ATAD2: variants seen among roughly 807,000 people sequenced by gnomAD.
The protein encoded by ATAD2 is ATPase family AAA domain-containing protein 2.
ATAD2 carries 62 observed loss-of-function variants against 168.9 expected under a neutral mutation model. That is an observed-to-expected ratio of 0.37 (90% CI 0.30 to 0.45). ATAD2 has a LOEUF of 0.45. Among genes scored for constraint, ATAD2 ranks in the 20% least tolerant of loss-of-function variants. The probability of loss-of-function intolerance (pLI) is 1.00; values close to 1 mark genes in which losing one functional copy is unlikely to be tolerated. For synonymous variants in ATAD2, 613 were observed against 571.6 expected (o/e 1.07, Z -1.03); for missense variants, 1,419 against 1,667.8 (o/e 0.85, Z 2.60).
intron 19 of ATAD2, among the ~76,000 whole-genome samples, chr8:123,343,916 G>C (rs1044541829): frequency 6.6e-6 from 1 of 152,224 alleles, no homozygotes; most frequent in African/African-American, 2.4e-5. Flanking sequence ...AGGCAAGTAT[G>C]TAAGAGAAGA....
At position 123,347,102 on chromosome 8, in the gene ATAD2, T is replaced by C. The variant is rs749155060; in HGVS notation, c.2202A>G (p.Thr734=). 1.9e-6 allele frequency: 3 copies of C among 1,608,278 alleles called. No individual in the cohort carries two copies. Among genetic ancestry groups the C allele is most frequent in the East Asian group, 4.5e-5 (2 of 44,812 alleles). Residue 734 remains threonine, a synonymous_variant, in exon 16 of 28, where the codon ACA becomes ACG. Coordinates refer to ENST00000287394, the MANE Select transcript of ATAD2 (RefSeq NM_014109.4). ...AATCAAGTTTTATACCTGAGTCTAA[T>C]GTTTTATTTGTTCTGAATTCTGCAT... is the stretch of plus-strand genomic sequence containing the variant. ...FPHAEFRTNK[T]LDSDISCPLL...
At chr8:123,376,827 T>C (rs1829329822) in intron 2 of ATAD2, among the ~76,000 whole-genome samples, 7 of 151,466 alleles carry the variant, frequency 4.6e-5, no homozygotes. Flanking sequence ...GTGTGGTGGC[T>C]CACGCCTGTA....
At chr8:123,349,596 T>TA (rs1828380910) in intron 13 of ATAD2, 152 bp from the exon 14 acceptor site, 1 of 713,746 alleles carries the variant, frequency 1.4e-6, no homozygotes, top group African/African-American at 1.8e-5. Flanking sequence ...AAAAAATCTA[T>TA]AAAATAACAT....
chr8:123,396,561 TGTAGAGCGAAGGAGGCCGGGCCAACGTG>T (rs1417590882), upstream of ATAD2: 5 of 574,004 alleles, frequency 8.7e-6, no homozygotes, highest in Non-Finnish European at 1.5e-5. Context: ...TCCTCCCATT[TGTAGAGCGAAGGAGGCCGGGCCAACGTG>T]GAGAGGAACA....
intron 13 of ATAD2, 138 bp from the exon 14 acceptor site, chr8:123,349,582 A>T: frequency 1.3e-6 from 1 of 764,322 alleles, no homozygotes; most frequent in Non-Finnish European, 2.0e-6. Context: ...TTTCCAATGG[A>T]TTAAAAAAAT....
intron 1 of ATAD2, among the ~76,000 whole-genome samples, chr8:123,383,514 G>T (rs1299576773): frequency 1.3e-5 from 2 of 152,210 alleles, no homozygotes; most frequent in African/African-American, 4.8e-5. Flanking sequence ...GCTCATGCCT[G>T]TAATCCCAGG....
intron 20 of ATAD2, among the ~76,000 whole-genome samples, chr8:123,338,966 G>C (rs949072338): frequency 6.6e-6 from 1 of 152,128 alleles, no homozygotes; most frequent in Admixed American, 6.5e-5. Flanking sequence ...TTACTGATGA[G>C]AGAGCAAGCA....
intron 7 of ATAD2, 61 bp from the exon 8 acceptor site, chr8:123,369,236 G>T: frequency 3.1e-6 from 2 of 643,636 alleles, no homozygotes; most frequent in Non-Finnish European, 4.2e-6. Context: ...ATACAAATAT[G>T]TATGAAGATA....
At chr8:123,348,124 C>G (rs1828313728) in intron 15 of ATAD2, 59 bp downstream of exon 15, 2 of 1,356,634 alleles carry the variant, frequency 1.5e-6, no homozygotes, top group Non-Finnish European at 2.0e-6. Flanking sequence ...CCTAATATAA[C>G]TTGTTTCATA....
intron 3 of ATAD2, 35 bp from the exon 4 acceptor site, chr8:123,371,870 A>C: frequency 1.4e-6 from 2 of 1,466,656 alleles, no homozygotes; most frequent in Non-Finnish European, 1.8e-6. Flanking sequence ...AAATAGAAAC[A>C]TTTGAAATAA....
intron 2 of ATAD2, among the ~76,000 whole-genome samples, chr8:123,377,470 C>A (rs982698354): frequency 3.4e-4 from 51 of 152,008 alleles, no homozygotes; most frequent in African/African-American, 1.2e-3. Flanking sequence ...AAGGTAAAAA[C>A]AGGACTTCCA....
rs1828195929 is a variant in ATAD2, at chr8:123,345,077, A to T, written c.2533-8T>A. The T allele has an allele frequency of 6.3e-7, 1 of 1,587,586 alleles. No homozygotes were observed. The highest frequency in any genetic ancestry group is 1.1e-5 in the South Asian group (1 of 87,436). ...CTTAGCTTCACGAATCACCTAGTAG[A>T]GAGAGAACAAAACAAATTCAGTTAG... On this transcript the variant is annotated splice_polypyrimidine_tract_variant and splice_region_variant and intron_variant, in intron 18 of 27. Coordinates refer to ENST00000287394, the MANE Select transcript of ATAD2 (RefSeq NM_014109.4).
rs763830616 is a variant in ATAD2, at chr8:123,328,463, C to T, written c.3595G>A (p.Glu1199Lys). The T allele has an allele frequency of 6.2e-7, 1 of 1,609,522 alleles. No individual in the cohort carries two copies. Among genetic ancestry groups the T allele is most frequent in the Admixed American group, 1.7e-5 (1 of 59,356 alleles). Residue 1199 changes from glutamate to lysine, a missense_variant, in exon 25 of 28, where the codon GAG becomes AAG. By Grantham distance (56) the Glu-to-Lys change is moderately conservative. Transcript: ENST00000287394. The part of the protein sequence containing the change: ...DSQNAIDHKI[E>K]SDTEETQDTS... ...TCTTGAGTTTCCTCTGTATCACTCT[C>T]AATTTTGTGATCTATGGCATTCTGG...
intron 11 of ATAD2, 38 bp downstream of exon 11, chr8:123,359,181 CAA>C (rs778166310): frequency 6.9e-7 from 1 of 1,442,404 alleles, no homozygotes; most frequent in South Asian, 1.3e-5. Context: ...GCAAGAATAG[CAA>C]AGATTTTCAG....
chr8:123,369,796 TG>T, intron 7 of ATAD2, 24 bp downstream of exon 7: 1 of 1,549,054 alleles, frequency 6.5e-7, no homozygotes. Flanking sequence ...TTACATCTCC[TG>T]GAAAGAGTAT....
chr8:123,372,344 T>C (rs1160497217), intron 3 of ATAD2, among the ~76,000 whole-genome samples: 1 of 152,216 alleles, frequency 6.6e-6, no homozygotes, highest in Non-Finnish European at 1.5e-5. Context: ...TGGTCACGGC[T>C]ATGTTCCAAT....
At chr8:123,400,730 C>T, upstream of ATAD2, 2 of 761,182 alleles carry the variant, frequency 2.6e-6, no homozygotes, top group African/African-American at 3.4e-5. The surrounding 1 kb of genome is among the most constrained non-coding windows in gnomAD (Gnocchi z 4.5). Flanking sequence ...GCGGACCTCA[C>T]CTCAGCCCTT....
chr8:123,371,425 T>C, intron 4 of ATAD2, 87 bp from the exon 5 acceptor site: 1 of 1,079,144 alleles, frequency 9.3e-7, no homozygotes, highest in East Asian at 2.6e-5. Context: ...TTGCAAACTT[T>C]TGGCACTAAG....
chr8:123,328,412 C>G lies in ATAD2; in HGVS notation c.3646G>C (p.Gly1216Arg). 1 of 1,572,504 alleles carries G rather than the reference C, an allele frequency of 6.4e-7. No homozygotes were observed. Among genetic ancestry groups the G allele is most frequent in the South Asian group, 1.2e-5 (1 of 83,110 alleles). The change falls in exon 25 of 28, where the codon GGA (glycine) becomes CGA (arginine). Residue 1216 changes from glycine to arginine, a missense_variant. Physicochemically the swap from Gly to Arg is moderately radical, Grantham distance 125 (BLOSUM62 -2). Transcript: ENST00000287394. ...TCCACCGAAGACTCTCCTGTGTTTC[C>G]GGTCTCATTATGATCTACACTTGTG... ...QDTSVDHNET[G>R]NTGESSVEEN...
Sources: allele counts gnomAD v4.1 joint callset (sites outside exome capture counted in the v4.1 genomes callset), GRCh38; gene constraint gnomAD v4.1.1; non-coding constraint Gnocchi (gnomAD v3.1); transcripts MANE v1.5; gene names NCBI Gene and HGNC (gene_info 2026-07-23, HGNC 2026-07-21).